RAP2A: variants seen among roughly 807,000 people sequenced by gnomAD.
RAP2A encodes the protein RAP2A, member of RAS oncogene family, also known as ras-related protein Rap-2a.
RAP2A carries 5 observed loss-of-function variants against 15.1 expected under a neutral mutation model. The ratio of observed to expected loss-of-function variants is 0.33; its 90% CI spans 0.17 to 0.70. The LOEUF is 0.70. Ranked by LOEUF, RAP2A falls within the 30% of genes least tolerant of loss-of-function variation. The probability of loss-of-function intolerance (pLI) is 0.68; values close to 1 mark genes in which losing one functional copy is unlikely to be tolerated. For synonymous variants in RAP2A, 110 were observed against 99.7 expected (o/e 1.10, Z -0.62); for missense variants, 111 against 240.3 (o/e 0.46, Z 3.56).
intron 1 of RAP2A, among the ~76,000 whole-genome samples, chr13:97,443,984 TTC>T (rs2066669172): frequency 1.3e-5 from 2 of 152,224 alleles, no homozygotes; most frequent in East Asian, 3.8e-4. Context: ...ATAATAAAGT[TTC>T]ACCAAGAATC....
At chr13:97,438,656 T>C (rs1317894117) in intron 1 of RAP2A, among the ~76,000 whole-genome samples, 1 of 152,152 alleles carries the variant, frequency 6.6e-6, no homozygotes, top group Admixed American at 6.6e-5. Flanking sequence ...ACCCCTTTCC[T>C]GTCTTCCCTT....
rs762720602 is a variant in RAP2A at position 97,434,509 on chromosome 13, G to A, written c.39G>A (p.Gly13=). 3.1e-6 allele frequency: 5 copies of A among 1,613,274 alleles called. No homozygotes were observed. The highest frequency in any genetic ancestry group is 4.2e-6 in the Non-Finnish European group (5 of 1,179,622). Residue 13 remains glycine, a synonymous_variant, in exon 1 of 2, where the codon GGG becomes GGA. Coordinates refer to ENST00000245304, the MANE Select transcript of RAP2A (RefSeq NM_021033.7). ...EYKVVVLGSG[G]VGKSALTVQF... is the part of the protein sequence containing the mutation. ...AAGTGGTGGTGCTGGGCTCGGGCGG[G>A]GTAGGCAAATCCGCCCTGACCGTGC...
In RAP2A at chr13:97,465,633, G is replaced by A. The variant is rs1031954504; in HGVS notation, c.*1191G>A. On this transcript the variant is annotated 3_prime_UTR_variant, in exon 2 of 2. Transcript: ENST00000245304. The stretch of plus-strand genomic sequence containing the variant: ...AATTTTCCTGGAGAATTATATAAAG[G>A]TTTTCTTAGAACAATTTTGCCCTGA... The A allele has an allele frequency of 6.6e-6, 1 of 152,384 alleles. No homozygotes were observed. The highest frequency in any genetic ancestry group is 2.4e-5 in the African/African-American group (1 of 41,442). 9.4% of individuals were successfully genotyped at this position (152,384 alleles called of 1,614,324 possible).
chr13:97,463,680 C>T lies in RAP2A; in HGVS notation c.315-525C>T, dbSNP rs142389958. 9.8e-3 allele frequency among the ~76,000 whole-genome samples: 1,489 copies of T among 152,322 alleles called. 26 individuals carry two copies. The highest frequency in any genetic ancestry group is 0.033 in the African/African-American group (1,391 of 41,566). Reference sequence around the variant, plus strand: ...TCTCAGCTCACTGCAACCTCTGCCTCCCAGGTTCAAGCGATTCTCCTGTCT... The same window carrying T: ...TCTCAGCTCACTGCAACCTCTGCCTTCCAGGTTCAAGCGATTCTCCTGTCT... On this transcript the variant is annotated intron_variant, in intron 1 of 1. Transcript: ENST00000245304.
rs2153178803 is a variant in RAP2A, at chr13:97,434,797, A to G, written c.314+13A>G. 6.2e-7 allele frequency: 1 copy of G among 1,613,098 alleles called. No homozygotes were observed. Among genetic ancestry groups the G allele is most frequent in the Non-Finnish European group, 8.5e-7 (1 of 1,179,504 alleles). On this transcript the variant is annotated intron_variant, in intron 1 of 1. Transcript: ENST00000245304. Reference sequence around the variant, plus strand: ...TCCGCGTGAAGCGGTGAGCGAGGGCACACGGGGGCTTGGCGGCTGCACCCC... The same window carrying G: ...TCCGCGTGAAGCGGTGAGCGAGGGCGCACGGGGGCTTGGCGGCTGCACCCC...
intron 1 of RAP2A, among the ~76,000 whole-genome samples, chr13:97,462,032 TTATA>T (rs1158767725): frequency 7.1e-6 from 1 of 141,540 alleles, no homozygotes; most frequent in Non-Finnish European, 1.5e-5. Context: ...ATTTATATAT[TTATA>T]TATATTTATA....
Position 97,466,262 on chromosome 13 carries a change from T to TA in RAP2A, c.*1821dup, listed in dbSNP as rs2066771241. On this transcript the variant is annotated 3_prime_UTR_variant, in exon 2 of 2. Coordinates refer to ENST00000245304, the MANE Select transcript of RAP2A (RefSeq NM_021033.7). Reference sequence around the variant, plus strand: ...TTTCATAATGAAAAAACTGAAGAGATACGTGAATGAAACCAGGCCATAGCT... The same window carrying TA: ...TTTCATAATGAAAAAACTGAAGAGATAACGTGAATGAAACCAGGCCATAGCT... The TA allele has an allele frequency of 6.6e-6, 1 of 151,786 alleles. No individual in the cohort carries two copies. Among genetic ancestry groups the TA allele is most frequent in the African/African-American group, 2.4e-5 (1 of 41,304 alleles). 9.4% of individuals were successfully genotyped at this position (151,786 alleles called of 1,614,324 possible).
chr13:97,454,903 G>T (rs2066716570), intron 1 of RAP2A, among the ~76,000 whole-genome samples: 1 of 151,132 alleles, frequency 6.6e-6, no homozygotes, highest in African/African-American at 2.4e-5. Context: ...TGTTGACAGG[G>T]TTTTTTGTTT....
At chr13:97,454,600 A>T (rs920992544) in intron 1 of RAP2A, among the ~76,000 whole-genome samples, 2 of 151,330 alleles carry the variant, frequency 1.3e-5, no homozygotes, top group Non-Finnish European at 3.0e-5. Flanking sequence ...TATGCGTTAC[A>T]TCCACCTATA....
At position 97,434,387 on chromosome 13, in the gene RAP2A, G is replaced by A; in HGVS notation, c.-84G>A. 1 of 1,002,858 alleles carries A rather than the reference G, an allele frequency of 1.0e-6. No individual in the cohort carries two copies. The highest frequency in any genetic ancestry group is 1.2e-6 in the Non-Finnish European group (1 of 840,454). The allele number at this position is 1,002,858 out of a possible 1,614,324, so 62.1% of individuals were successfully genotyped here. A position where few individuals can be genotyped will look rare whatever the true frequency, so the allele number is the denominator to read the frequency against. ...GCAGCGGGAGGCGGCGGGGCGGGCC[G>A]CCGGGGCCGGGGCTGGGGGCGCAGC... is the stretch of plus-strand genomic sequence containing the variant. On this transcript the variant is annotated 5_prime_UTR_variant, in exon 1 of 2. Coordinates refer to ENST00000245304, the MANE Select transcript of RAP2A (RefSeq NM_021033.7).
At chr13:97,441,630 C>T in intron 1 of RAP2A, 1 of 276,802 alleles carries the variant, frequency 3.6e-6, no homozygotes, top group East Asian at 1.1e-4. Context: ...TAGTCATTGT[C>T]TTTAGAACCT....
chr13:97,463,125 C>G (rs1051595000), intron 1 of RAP2A, among the ~76,000 whole-genome samples: 1 of 152,172 alleles, frequency 6.6e-6, no homozygotes, highest in African/African-American at 2.4e-5. Context: ...CACAAACACA[C>G]ACACACACAG....
At chr13:97,455,763 T>C (rs375987892) in intron 1 of RAP2A, among the ~76,000 whole-genome samples, 1 of 151,508 alleles carries the variant, frequency 6.6e-6, no homozygotes. Context: ...TGTTGATTCA[T>C]ACACAGAATT....
Position 97,434,404 on chromosome 13 carries a change from G to T in RAP2A, c.-67G>T. On this transcript the variant is annotated 5_prime_UTR_variant, in exon 1 of 2. Transcript: ENST00000245304. Reference sequence around the variant, plus strand: ...GGCGGGCCGCCGGGGCCGGGGCTGGGGGCGCAGCGCGGCCGGCGTAGGTCT... The same window carrying T: ...GGCGGGCCGCCGGGGCCGGGGCTGGTGGCGCAGCGCGGCCGGCGTAGGTCT... The T allele has an allele frequency of 8.5e-7, 1 of 1,170,134 alleles. No individual in the cohort carries two copies. Among genetic ancestry groups the T allele is most frequent in the Non-Finnish European group, 1.1e-6 (1 of 940,348 alleles). 72.5% of individuals were successfully genotyped at this position (1,170,134 alleles called of 1,614,324 possible).
chr13:97,446,852 T>C (rs2066681984), intron 1 of RAP2A, among the ~76,000 whole-genome samples: 1 of 152,178 alleles, frequency 6.6e-6, no homozygotes, highest in South Asian at 2.1e-4. Context: ...CCAGTCAATA[T>C]GATGTAGAAC....
intron 1 of RAP2A, among the ~76,000 whole-genome samples, chr13:97,436,451 C>G (rs2066634797): frequency 1.3e-5 from 2 of 152,000 alleles, no homozygotes; most frequent in Non-Finnish European, 2.9e-5. Context: ...AAGTAAATGC[C>G]CCAACAGCCT....
intron 1 of RAP2A, among the ~76,000 whole-genome samples, chr13:97,456,644 A>G (rs1371413839): frequency 6.6e-6 from 1 of 152,192 alleles, no homozygotes; most frequent in East Asian, 1.9e-4. Flanking sequence ...CTCAGTTTCT[A>G]TGAAAGCAGA....
chr13:97,460,058 GA>G (rs2066739966), intron 1 of RAP2A, among the ~76,000 whole-genome samples: 1 of 152,186 alleles, frequency 6.6e-6, no homozygotes, highest in Non-Finnish European at 1.5e-5. Flanking sequence ...ATTTGTGTTT[GA>G]ACAACGTTGT....
intron 1 of RAP2A, among the ~76,000 whole-genome samples, chr13:97,447,902 T>C (rs1416241161): frequency 6.6e-6 from 1 of 152,064 alleles, no homozygotes; most frequent in Non-Finnish European, 1.5e-5. Context: ...ACTTTAAAGG[T>C]AGCACACCTG....
Sources: gnomAD v4.1 joint callset for allele counts (sites outside exome capture counted in the v4.1 genomes callset) on GRCh38, gnomAD v4.1.1 for gene constraint, MANE v1.5 for transcripts, NCBI Gene and HGNC (gene_info 2026-07-23, HGNC 2026-07-21) for gene names.